The following MN1 variants were observed in gnomAD, a reference collection of about 807,000 sequenced individuals.
MN1 encodes the protein transcriptional activator MN1.
In MN1, 19 loss-of-function variants were observed where a neutral mutation model predicts 86.9. The observed-to-expected ratio is 0.22, with a 90% CI of 0.15 to 0.32. The LOEUF (loss-of-function observed/expected upper bound fraction) is 0.32. Ranked by LOEUF, MN1 falls within the 10% of genes least tolerant of loss-of-function variation. MN1 has a pLI of 1.00. For missense variants in MN1, 1,841 were observed against 1,862.0 expected (o/e 0.99, Z 0.21); for synonymous variants, 928 against 849.6 (o/e 1.09, Z -1.60).
In MN1 at chr22:27,750,748, G is replaced by A. The variant is rs1932756184; in HGVS notation, c.*167C>T. The A allele has an allele frequency of 3.9e-6, 2 of 513,340 alleles. No homozygotes were observed. The highest frequency in any genetic ancestry group is 6.5e-6 in the Non-Finnish European group (2 of 305,738). The allele number at this position is 513,340 out of a possible 1,614,324, so 31.8% of individuals were successfully genotyped here. ...CCCCCCTTTAAATTAACCCTTTCCG[G>A]TCCATATGCCACTAAGCAGGTACCA... On this transcript the variant is annotated 3_prime_UTR_variant, in exon 2 of 2. Transcript: ENST00000302326.
intron 1 of MN1, among the ~76,000 whole-genome samples, chr22:27,769,248 T>A (rs1390977506): frequency 6.6e-6 from 1 of 152,182 alleles, no homozygotes; most frequent in Non-Finnish European, 1.5e-5. Flanking sequence ...ATGCTGCAGG[T>A]AGCCGAAACT....
chr22:27,770,215 G>A (rs1932902755), intron 1 of MN1, among the ~76,000 whole-genome samples: 1 of 152,186 alleles, frequency 6.6e-6, no homozygotes, highest in African/African-American at 2.4e-5. Flanking sequence ...CACCAGGCAG[G>A]GCAAATGCTG....
At chr22:27,770,025 T>A (rs1281071177) in intron 1 of MN1, among the ~76,000 whole-genome samples, 1 of 152,172 alleles carries the variant, frequency 6.6e-6, no homozygotes, top group Non-Finnish European at 1.5e-5. Flanking sequence ...GGCCACATAG[T>A]CACTAATTGG....
At chr22:27,782,191 AG>A (rs530389798) in intron 1 of MN1, among the ~76,000 whole-genome samples, 97 of 152,312 alleles carry the variant, frequency 6.4e-4, no homozygotes, top group African/African-American at 2.3e-3. Context: ...GGCTGTGACC[AG>A]ACCACAGGGT....
At chr22:27,790,154 T>G (rs1370452416) in intron 1 of MN1, among the ~76,000 whole-genome samples, 2 of 152,210 alleles carry the variant, frequency 1.3e-5, no homozygotes, top group African/African-American at 4.8e-5. Context: ...ACAAAGCGGG[T>G]CTCAGCATCC....
intron 1 of MN1, 61 bp downstream of exon 1, chr22:27,796,702 T>C (rs139063983): frequency 4.2e-4 from 627 of 1,507,354 alleles, no homozygotes; most frequent in Non-Finnish European, 5.2e-4. Flanking sequence ...GAAGGCTAAG[T>C]CCTGCCCTGG....
At chr22:27,760,635 G>T (rs1297913012) in intron 1 of MN1, among the ~76,000 whole-genome samples, 1 of 152,164 alleles carries the variant, frequency 6.6e-6, no homozygotes, top group Non-Finnish European at 1.5e-5. Flanking sequence ...CCCCAAGGAT[G>T]GGGACCAAGA....
At chr22:27,775,278 G>A (rs904274106) in intron 1 of MN1, among the ~76,000 whole-genome samples, 1 of 152,188 alleles carries the variant, frequency 6.6e-6, no homozygotes, top group South Asian at 2.1e-4. Flanking sequence ...ATGATGGAAG[G>A]AATCCAAACA....
intron 1 of MN1, among the ~76,000 whole-genome samples, chr22:27,792,341 T>TATATATATATATATATATATAA: frequency 7.0e-6 from 1 of 143,098 alleles, no homozygotes; most frequent in Non-Finnish European, 1.5e-5. Context: ...TATATATATA[T>TATATATATATATATATATATAA]ATATATATAT....
chr22:27,772,922 C>G (rs994782634), intron 1 of MN1, among the ~76,000 whole-genome samples: 1 of 151,606 alleles, frequency 6.6e-6, no homozygotes, highest in African/African-American at 2.4e-5. Context: ...GGGCTAGCAG[C>G]CTAGTGCCTG....
At position 27,758,781 on chromosome 22, in the gene MN1, C is replaced by A. The variant is rs377414188; in HGVS notation, c.3782-7685G>T. Among the ~76,000 whole-genome samples the A allele has an allele frequency of 6.6e-5, 10 of 152,324 alleles. No homozygotes were observed. In the South Asian group the frequency reaches 1.5e-3, roughly 22 times the overall value. ...ACCAGCTATCAGGGCAGACAGAAGT[C>A]ACAGGAGTAGAGAGCCTTGCCCAAT... On this transcript the variant is annotated intron_variant, in intron 1 of 1. Coordinates refer to ENST00000302326, the MANE Select transcript of MN1 (RefSeq NM_002430.3).
chr22:27,797,736 G>C lies in MN1; in HGVS notation c.2808C>G (p.Ser936=), dbSNP rs368091904. Residue 936 remains serine, a synonymous_variant, in exon 1 of 2, where the codon TCC becomes TCG. Coordinates refer to ENST00000302326, the MANE Select transcript of MN1 (RefSeq NM_002430.3). ...GACCCCGTCCCCGGCCGCCGCCCCCGGAGACCGGCTTGCCGTCATTCCCCG... is the reference window on the plus strand; with the variant it reads ...GACCCCGTCCCCGGCCGCCGCCCCCCGAGACCGGCTTGCCGTCATTCCCCG... The part of the protein sequence containing the change: ...STSGNDGKPV[S]GGGGRGRGRR... The C allele has an allele frequency of 4.3e-6, 7 of 1,611,516 alleles. No individual in the cohort carries two copies. The South Asian group carries it at 7.7e-5, about 18-fold the overall frequency.
At chr22:27,769,230 T>C (rs1194514152) in intron 1 of MN1, among the ~76,000 whole-genome samples, 1 of 152,178 alleles carries the variant, frequency 6.6e-6, no homozygotes, top group African/African-American at 2.4e-5. Flanking sequence ...AGAGTCTTTC[T>C]TGACACAATG....
Position 27,797,439 on chromosome 22 carries a change from G to A in MN1, c.3105C>T (p.Asp1035=). 1 of 1,607,900 alleles carries A rather than the reference G, an allele frequency of 6.2e-7. No individual in the cohort carries two copies. The highest frequency in any genetic ancestry group is 8.5e-7 in the Non-Finnish European group (1 of 1,177,488). Residue 1035 remains aspartate, a synonymous_variant, in exon 1 of 2, where the codon GAC becomes GAT. Coordinates refer to ENST00000302326, the MANE Select transcript of MN1 (RefSeq NM_002430.3). ...ACTCACCCACGTTTGGCGAACTACTGTCCGACTTGGCCCCGCCGTCCAGGG... is the reference window on the plus strand; with the variant it reads ...ACTCACCCACGTTTGGCGAACTACTATCCGACTTGGCCCCGCCGTCCAGGG... ...IGSLDGGAKS[D]SSSPNVGEFA...
At chr22:27,751,267 G>C (rs922667641) in intron 1 of MN1, among the ~76,000 whole-genome samples, 171 bp from the exon 2 acceptor site, 2 of 152,194 alleles carry the variant, frequency 1.3e-5, no homozygotes, top group African/African-American at 4.8e-5. Context: ...TCTTCTTGCT[G>C]TTACCCCTGA....
chr22:27,751,105 A>G lies in MN1; in HGVS notation c.3782-9T>C. ...TGCAGGGAGGTCGTGGGCTGTGGAG[A>G]GAGAAGGAAGAGAGGACATTAGTGG... On this transcript the variant is annotated splice_polypyrimidine_tract_variant and intron_variant, in intron 1 of 1. Transcript: ENST00000302326. 6.5e-7 allele frequency: 1 copy of G among 1,547,206 alleles called. No homozygotes were observed. The highest frequency in any genetic ancestry group is 8.7e-7 in the Non-Finnish European group (1 of 1,143,106).
chr22:27,789,509 C>T (rs927325116), intron 1 of MN1, among the ~76,000 whole-genome samples: 10 of 152,184 alleles, frequency 6.6e-5, no homozygotes, highest in African/African-American at 2.4e-4. Flanking sequence ...ATCCTATAAA[C>T]TCCAGGGGAA....
rs760825427 is a variant in MN1, at chr22:27,797,088, G to C, written c.3456C>G (p.Pro1152=). 4 of 1,610,072 alleles carry C rather than the reference G, an allele frequency of 2.5e-6. No individual in the cohort carries two copies. The African/African-American group carries it at 4.0e-5, about 16-fold the overall frequency. ...GGATCTGCGCCTGAAGGATCTCCAG[G>C]GGGTGGATCTCGTCGGGTGGCGGGG... is the stretch of plus-strand genomic sequence containing the variant. ...SGAPPPDEIH[P]LEILQAQIQL... is the part of the protein sequence containing the mutation. Residue 1152 remains proline, a synonymous_variant, in exon 1 of 2, where the codon CCC becomes CCG. Coordinates refer to ENST00000302326, the MANE Select transcript of MN1 (RefSeq NM_002430.3).
chr22:27,774,112 G>C (rs1302321318), intron 1 of MN1, among the ~76,000 whole-genome samples: 1 of 152,160 alleles, frequency 6.6e-6, no homozygotes, highest in Non-Finnish European at 1.5e-5. Flanking sequence ...CAACTCTGCA[G>C]AGAAATGATC....
Sources: gnomAD v4.1 joint callset for allele counts (sites outside exome capture counted in the v4.1 genomes callset) on GRCh38, gnomAD v4.1.1 for gene constraint, MANE v1.5 for transcripts, NCBI Gene and HGNC (gene_info 2026-07-23, HGNC 2026-07-21) for gene names.